FBXL2: variants seen among roughly 807,000 people sequenced by gnomAD.
FBXL2 encodes the protein F-box and leucine rich repeat protein 2, also known as F-box/LRR-repeat protein 2.
Under a neutral mutation model 69.2 loss-of-function variants are expected in FBXL2, and 38 were observed. The ratio of observed to expected loss-of-function variants is 0.55; its 90% confidence interval spans 0.42 to 0.72. FBXL2 has a LOEUF of 0.72. Ranked by LOEUF, FBXL2 falls within the 30% of genes least tolerant of loss-of-function variation. The pLI, the probability that FBXL2 is intolerant of heterozygous loss-of-function variation, is 0.00. For missense variants in FBXL2, 354 were observed against 520.3 expected (o/e 0.68, Z 3.11); for synonymous variants, 192 against 201.3 (o/e 0.95, Z 0.39).
At chr3:33,279,861 TGAGGCACA>T in intron 1 of FBXL2, among the ~76,000 whole-genome samples, 1 of 152,258 alleles carries the variant, frequency 6.6e-6, no homozygotes, top group South Asian at 2.1e-4. Context: ...ATGAGGAAAT[TGAGGCACA>T]GAGAGGTAAA....
At position 33,377,126 on chromosome 3, in the gene FBXL2, T is replaced by C; in HGVS notation, c.789-147T>C. ...AAGTTTGGGATGGAACTTCGGGGCT[T>C]TGGGCAGGTCACATTCCCTAAGGGC... On this transcript the variant is annotated intron_variant, in intron 10 of 14. Coordinates refer to ENST00000484457, the MANE Select transcript of FBXL2 (RefSeq NM_012157.5). 4.3e-6 allele frequency: 3 copies of C among 694,486 alleles called. No individual in the cohort carries two copies. In the East Asian group the frequency reaches 7.7e-5, roughly 18 times the overall value. The allele number at this position is 694,486 out of a possible 1,614,324, so 43.0% of individuals were successfully genotyped here.
chr3:33,325,617 G>T (rs974430619), intron 2 of FBXL2, among the ~76,000 whole-genome samples: 1 of 152,124 alleles, frequency 6.6e-6, no homozygotes, highest in Middle Eastern at 3.2e-3. Flanking sequence ...TATTCTTTAA[G>T]ATTGTACTAG....
chr3:33,359,023 TA>T lies in FBXL2; in HGVS notation c.120+3del. ...TGCCGATGTGCACAGATTTCCAAGGTAGAGTATTCACCAGATTTTTTAATCA... is the reference window on the plus strand; with the variant it reads ...TGCCGATGTGCACAGATTTCCAAGGTGAGTATTCACCAGATTTTTTAATCA... On this transcript the variant is annotated splice_donor_region_variant and intron_variant, in intron 3 of 14. Coordinates refer to ENST00000484457, the MANE Select transcript of FBXL2 (RefSeq NM_012157.5). The T allele has an allele frequency of 6.5e-7, 1 of 1,536,538 alleles. No homozygotes were observed. Among genetic ancestry groups the T allele is most frequent in the Non-Finnish European group, 8.8e-7 (1 of 1,133,936 alleles).
In FBXL2 at chr3:33,281,617, C is replaced by T. The variant is rs545398294; in HGVS notation, c.3+4102C>T. On this transcript the variant is annotated intron_variant, in intron 1 of 14. Transcript: ENST00000484457. ...TAGTTCTAGATCCTTGAGGAATCGCCGCACTGTCTTCCACAATGGTTGAAC... is the reference window on the plus strand; with the variant it reads ...TAGTTCTAGATCCTTGAGGAATCGCTGCACTGTCTTCCACAATGGTTGAAC... 1.2e-3 allele frequency among the ~76,000 whole-genome samples: 183 copies of T among 152,244 alleles called. 1 individual carries two copies. The highest frequency in any genetic ancestry group is 2.0e-3 in the Non-Finnish European group (138 of 68,026).
intron 2 of FBXL2, among the ~76,000 whole-genome samples, chr3:33,319,522 T>C (rs1402157849): frequency 6.6e-6 from 1 of 152,200 alleles, no homozygotes; most frequent in East Asian, 1.9e-4. Flanking sequence ...TATTGAATTC[T>C]TACATATTTA....
chr3:33,359,222 T>G (rs2041435565), intron 3 of FBXL2, 61 bp from the exon 4 acceptor site: 1 of 1,392,576 alleles, frequency 7.2e-7, no homozygotes, highest in Non-Finnish European at 1.0e-6. Flanking sequence ...CTTTCTTTAA[T>G]AGTCTCAATA....
At chr3:33,393,291 A>G in intron 12 of FBXL2, 2 of 1,586,062 alleles carry the variant, frequency 1.3e-6, no homozygotes, top group Non-Finnish European at 1.7e-6. Flanking sequence ...CTGAAAAGGA[A>G]AAACAAATGA....
intron 12 of FBXL2, among the ~76,000 whole-genome samples, chr3:33,395,761 A>AAAG (rs1160741250): frequency 6.6e-6 from 1 of 151,036 alleles, no homozygotes; most frequent in African/African-American, 2.4e-5. Flanking sequence ...AAAAAAAAAA[A>AAAG]AAAAAAAAAA....
At chr3:33,279,101 C>T (rs998640524) in intron 1 of FBXL2, among the ~76,000 whole-genome samples, 1 of 152,118 alleles carries the variant, frequency 6.6e-6, no homozygotes, top group Admixed American at 6.5e-5. Context: ...GGTTGCTTTG[C>T]TGAACTTAAT....
At chr3:33,279,068 A>AT (rs1398500854) in intron 1 of FBXL2, among the ~76,000 whole-genome samples, 3 of 152,194 alleles carry the variant, frequency 2.0e-5, no homozygotes, top group Non-Finnish European at 4.4e-5. Context: ...AAATAAAAGC[A>AT]TTTACTGTAG....
At chr3:33,300,050 C>T (rs1271259411) in intron 2 of FBXL2, among the ~76,000 whole-genome samples, 2 of 152,042 alleles carry the variant, frequency 1.3e-5, no homozygotes, top group Non-Finnish European at 2.9e-5. Flanking sequence ...GGGCATCAAG[C>T]TGTAATCTAA....
At chr3:33,395,082 C>T (rs1318251510) in intron 12 of FBXL2, among the ~76,000 whole-genome samples, 1 of 152,106 alleles carries the variant, frequency 6.6e-6, no homozygotes, top group Non-Finnish European at 1.5e-5. Flanking sequence ...TAATCTTGGC[C>T]ATATCTAAGT....
At chr3:33,416,548 C>T in the FBXL2 span, among the ~76,000 whole-genome samples, 4 of 152,158 alleles carry the variant, frequency 2.6e-5, no homozygotes, top group Non-Finnish European at 5.9e-5. Flanking sequence ...ACTAACTTTT[C>T]TATTGCTCCT....
chr3:33,421,921 A>T, the FBXL2 span, among the ~76,000 whole-genome samples: 1 of 152,080 alleles, frequency 6.6e-6, no homozygotes, highest in Non-Finnish European at 1.5e-5. Flanking sequence ...GCATGTGCCC[A>T]TAGTCCTAGG....
chr3:33,338,501 G>GT (rs1357717721), intron 2 of FBXL2, among the ~76,000 whole-genome samples: 2 of 152,004 alleles, frequency 1.3e-5, no homozygotes, highest in Non-Finnish European at 2.9e-5. Flanking sequence ...AAAACTGGAG[G>GT]TATCACCCAC....
intron 2 of FBXL2, among the ~76,000 whole-genome samples, chr3:33,352,434 A>G (rs1370433129): frequency 6.6e-6 from 1 of 152,158 alleles, no homozygotes; most frequent in Non-Finnish European, 1.5e-5. Context: ...CAAAAACACT[A>G]CTCATGAAAG....
intron 2 of FBXL2, among the ~76,000 whole-genome samples, chr3:33,301,487 C>G (rs1418283626): frequency 6.6e-6 from 1 of 152,194 alleles, no homozygotes; most frequent in African/African-American, 2.4e-5. Context: ...CTTTTCATCT[C>G]TCTGTTATCA....
At chr3:33,280,898 C>T (rs1412705935) in intron 1 of FBXL2, among the ~76,000 whole-genome samples, 1 of 151,654 alleles carries the variant, frequency 6.6e-6, no homozygotes, top group Non-Finnish European at 1.5e-5. Context: ...TATAATTTTC[C>T]AGTTTAATTT....
intron 2 of FBXL2, among the ~76,000 whole-genome samples, chr3:33,334,518 GA>G (rs1307036472): frequency 1.3e-5 from 2 of 152,030 alleles, no homozygotes; most frequent in Non-Finnish European, 2.9e-5. Flanking sequence ...AAAAAAGATA[GA>G]AAAAATTAAC....
Sources: allele counts gnomAD v4.1 joint callset (sites outside exome capture counted in the v4.1 genomes callset), GRCh38; gene constraint gnomAD v4.1.1; transcripts MANE v1.5; gene names NCBI Gene and HGNC (gene_info 2026-07-23, HGNC 2026-07-21).